The following RANBP17 variants were observed in gnomAD, a reference collection of about 807,000 sequenced individuals.
The protein encoded by RANBP17 is ran-binding protein 17.
Under a neutral mutation model 141.2 loss-of-function variants are expected in RANBP17, and 158 were observed. The ratio of observed to expected loss-of-function variants is 1.12; its 90% CI spans 0.98 to 1.28. The LOEUF is 1.28. RANBP17 is among the 50% of genes most tolerant of loss of function. The pLI is 0.00. For synonymous variants in RANBP17, 430 were observed against 450.0 expected (o/e 0.96, Z 0.56); for missense variants, 1,438 against 1,290.7 (o/e 1.11, Z -1.75).
rs556660380 is a variant in RANBP17, at chr5:171,057,549, C to T, written c.1710+89172C>T. ...GGATATCATAGGGTATTTTACCCCC[C>T]AGTCTCCATTGCTTTACAATCACAA... On this transcript the variant is annotated intron_variant, in intron 14 of 27. Transcript: ENST00000523189. Among the ~76,000 whole-genome samples the T allele has an allele frequency of 9.9e-5, 15 of 152,148 alleles. No homozygotes were observed. In the South Asian group the frequency reaches 3.1e-3, roughly 32 times the overall value.
At chr5:170,975,489 G>T (rs1179149658) in intron 14 of RANBP17, among the ~76,000 whole-genome samples, 1 of 152,186 alleles carries the variant, frequency 6.6e-6, no homozygotes, top group Non-Finnish European at 1.5e-5. Flanking sequence ...TTGCGCCACT[G>T]CACTCCAGCC....
Position 170,957,799 on chromosome 5 carries a change from T to C in RANBP17, c.1574+4097T>C, listed in dbSNP as rs188576532. ...GTACCAGTGGGAGTACTGTGAATAC[T>C]GCAGTAGTCTGTGAGTTCAGTGTTA... On this transcript the variant is annotated intron_variant, in intron 13 of 27. Transcript: ENST00000523189. 1.3e-3 allele frequency among the ~76,000 whole-genome samples: 198 copies of C among 152,330 alleles called. 1 individual carries two copies. The highest frequency in any genetic ancestry group is 4.6e-3 in the African/African-American group (193 of 41,572).
At chr5:171,041,497 G>C (rs978769635) in intron 14 of RANBP17, among the ~76,000 whole-genome samples, 3 of 152,102 alleles carry the variant, frequency 2.0e-5, no homozygotes, top group African/African-American at 7.2e-5. Flanking sequence ...ACAAGAGTAT[G>C]TTCTAAGAAA....
intron 14 of RANBP17, among the ~76,000 whole-genome samples, chr5:171,137,076 G>A (rs1757339461): frequency 6.6e-6 from 1 of 152,140 alleles, no homozygotes; most frequent in Non-Finnish European, 1.5e-5. Flanking sequence ...GACATCAGTA[G>A]CATCCTAAAG....
intron 14 of RANBP17, among the ~76,000 whole-genome samples, chr5:171,165,230 G>A (rs1369441530): frequency 6.6e-6 from 1 of 151,984 alleles, no homozygotes; most frequent in Admixed American, 6.5e-5. Flanking sequence ...CACCCAGGCT[G>A]GAGTGCAATG....
Position 170,924,536 on chromosome 5 carries a change from T to C in RANBP17, c.1454T>C (p.Ile485Thr). 1.2e-6 allele frequency: 2 copies of C among 1,600,076 alleles called. No homozygotes were observed. Among genetic ancestry groups the C allele is most frequent in the South Asian group, 1.1e-5 (1 of 90,370 alleles). The part of the protein sequence containing the change: ...LHPYSGVTVD[I>T]TIQEGRLAWL... The stretch of plus-strand genomic sequence containing the variant: ...CCATATTCTGGTGTAACTGTGGACA[T>C]CACCATTCAGGAAGGTCAGTAAACT... The change falls in exon 12 of 28, where the codon ATC becomes ACC. Residue 485 changes from isoleucine to threonine, a missense_variant. Transcript: ENST00000523189.
chr5:171,001,111 G>A (rs1779171545), intron 14 of RANBP17, among the ~76,000 whole-genome samples: 1 of 152,102 alleles, frequency 6.6e-6, no homozygotes, highest in Non-Finnish European at 1.5e-5. Context: ...ATATTTTGGG[G>A]GTGGTATGGA....
intron 14 of RANBP17, among the ~76,000 whole-genome samples, chr5:171,088,650 C>T (rs941134720): frequency 6.6e-6 from 1 of 152,114 alleles, no homozygotes; most frequent in African/African-American, 2.4e-5. Context: ...TTCTTGGAGG[C>T]TTTGCTCCTT....
chr5:171,162,013 G>A (rs945646431), intron 14 of RANBP17, among the ~76,000 whole-genome samples: 2 of 152,114 alleles, frequency 1.3e-5, no homozygotes, highest in African/African-American at 4.8e-5. Context: ...ACTTGCTATT[G>A]CAAAGAATTA....
chr5:170,952,243 T>C (rs529352987), intron 12 of RANBP17, among the ~76,000 whole-genome samples: 1 of 152,160 alleles, frequency 6.6e-6, no homozygotes, highest in South Asian at 2.1e-4. Context: ...GTTTTTGATC[T>C]GTTACGTTTT....
chr5:171,211,626 G>A (rs944261068), intron 20 of RANBP17, among the ~76,000 whole-genome samples: 1 of 148,970 alleles, frequency 6.7e-6, no homozygotes, highest in Admixed American at 6.7e-5. Flanking sequence ...CATGAGGGCA[G>A]GGTTTTTTTT....
intron 14 of RANBP17, among the ~76,000 whole-genome samples, chr5:170,998,079 A>G (rs946475048): frequency 2.4e-4 from 36 of 150,844 alleles, no homozygotes; most frequent in African/African-American, 8.8e-4. Context: ...GAGAAACCCC[A>G]TCTCTACTGG....
At chr5:170,953,565 A>G (rs770410262) in intron 12 of RANBP17, 32 bp from the exon 13 acceptor site, 2 of 1,428,556 alleles carry the variant, frequency 1.4e-6, no homozygotes, top group East Asian at 4.6e-5. Flanking sequence ...ATGAATACTT[A>G]CTAAACTTTT....
At chr5:170,881,767 T>G in intron 2 of RANBP17, 39 bp from the exon 3 acceptor site, 1 of 1,362,556 alleles carries the variant, frequency 7.3e-7, no homozygotes, top group Non-Finnish European at 1.0e-6. Context: ...TTATTTTAAT[T>G]TCATTTATGA....
At chr5:171,016,406 C>G (rs1214347229) in intron 14 of RANBP17, among the ~76,000 whole-genome samples, 1 of 151,992 alleles carries the variant, frequency 6.6e-6, no homozygotes, top group African/African-American at 2.4e-5. Flanking sequence ...TGAGTTTTGC[C>G]TGTAATCTGT....
intron 14 of RANBP17, among the ~76,000 whole-genome samples, chr5:171,159,929 A>G (rs1366905151): frequency 1.3e-5 from 2 of 150,814 alleles, no homozygotes; most frequent in Non-Finnish European, 3.0e-5. Context: ...AAAAAAAAAA[A>G]AAAAAAAAAA....
At chr5:170,862,771 A>G (rs1243779930) in intron 1 of RANBP17, among the ~76,000 whole-genome samples, 3 of 152,130 alleles carry the variant, frequency 2.0e-5, no homozygotes, top group Non-Finnish European at 2.9e-5. Context: ...TTCAGCAAAC[A>G]TTTATTATCT....
At chr5:171,270,515 G>A (rs1767027517) in intron 25 of RANBP17, among the ~76,000 whole-genome samples, 1 of 152,122 alleles carries the variant, frequency 6.6e-6, no homozygotes, top group South Asian at 2.1e-4. Flanking sequence ...CTGATTAGTA[G>A]CAGATAAGAC....
intron 12 of RANBP17, among the ~76,000 whole-genome samples, chr5:170,935,883 G>A (rs1773828700): frequency 6.6e-6 from 1 of 152,344 alleles, no homozygotes; most frequent in African/African-American, 2.4e-5. Flanking sequence ...GCTATGCCCT[G>A]CCCCTAGAGG....
Sources: gnomAD v4.1 joint callset for allele counts (sites outside exome capture counted in the v4.1 genomes callset) on GRCh38, gnomAD v4.1.1 for gene constraint, MANE v1.5 for transcripts, NCBI Gene and HGNC (gene_info 2026-07-23, HGNC 2026-07-21) for gene names.